CENPP: variants seen among roughly 807,000 people sequenced by gnomAD.
The protein encoded by CENPP is centromere protein P.
A neutral mutation model predicts 35.6 loss-of-function variants in CENPP; 24 were observed. That is an observed-to-expected ratio of 0.67 (90% confidence interval 0.49 to 0.95). The LOEUF (loss-of-function observed/expected upper bound fraction) is 0.95. Among genes scored for constraint, CENPP ranks in the 40% least tolerant of loss-of-function variants. The pLI is 0.00. For missense variants in CENPP, 332 were observed against 345.3 expected (o/e 0.96, Z 0.31); for synonymous variants, 120 against 125.5 (o/e 0.96, Z 0.29).
chr9:92,586,952 A>G (rs1383902148), intron 5 of CENPP, among the ~76,000 whole-genome samples: 3 of 151,292 alleles, frequency 2.0e-5, no homozygotes, highest in African/African-American at 4.9e-5. Context: ...ACAACAAGAA[A>G]AAGACAGGGC....
intron 5 of CENPP, among the ~76,000 whole-genome samples, chr9:92,530,141 G>C (rs1848655929): frequency 6.6e-6 from 1 of 152,068 alleles, no homozygotes; most frequent in African/African-American, 2.4e-5. Context: ...CTCAGATTTT[G>C]GTGTCCTTGA....
chr9:92,408,922 C>G (rs1210782136), intron 5 of CENPP, among the ~76,000 whole-genome samples: 2 of 152,132 alleles, frequency 1.3e-5, no homozygotes, highest in African/African-American at 4.8e-5. Context: ...CGTCTTAAAT[C>G]TCATACTTAT....
chr9:92,466,555 T>C, intron 5 of CENPP: 1 of 1,614,034 alleles, frequency 6.2e-7, no homozygotes. Flanking sequence ...TAGCTTGTTG[T>C]TGTTCAGGAT....
In CENPP at chr9:92,496,523, T is replaced by C. The variant is rs776505176; in HGVS notation, c.565-114791T>C. The C allele has an allele frequency of 3.2e-6, 5 of 1,583,136 alleles. No homozygotes were observed. In the Admixed American group the frequency reaches 5.9e-5, roughly 19 times the overall value. On this transcript the variant is annotated intron_variant, in intron 5 of 7. Coordinates refer to ENST00000375587, the MANE Select transcript of CENPP (RefSeq NM_001012267.3). ...ACATGCAAGTCACACATGGTCCCAG[T>C]AATAATCTGCCTTTAGGAGTTAAGT... is the stretch of plus-strand genomic sequence containing the variant.
At chr9:92,452,969 G>A (rs1043920828) in intron 5 of CENPP, among the ~76,000 whole-genome samples, 19 of 151,918 alleles carry the variant, frequency 1.3e-4, no homozygotes, top group African/African-American at 2.4e-4. Context: ...TTTTTATTGC[G>A]TCTATTTGAA....
At chr9:92,345,395 G>A (rs1564270040) in intron 3 of CENPP, among the ~76,000 whole-genome samples, 1 of 151,608 alleles carries the variant, frequency 6.6e-6, no homozygotes, top group African/African-American at 2.4e-5. Flanking sequence ...GGGAGAATGA[G>A]GCAGAAGAAT....
At chr9:92,327,433 A>G (rs1452049527) in intron 1 of CENPP, among the ~76,000 whole-genome samples, 1 of 152,212 alleles carries the variant, frequency 6.6e-6, no homozygotes, top group East Asian at 1.9e-4. Flanking sequence ...TGAGTGGGCT[A>G]GGTATACATA....
At chr9:92,584,855 G>A (rs1417251107) in intron 5 of CENPP, among the ~76,000 whole-genome samples, 1 of 151,758 alleles carries the variant, frequency 6.6e-6, no homozygotes, top group East Asian at 1.9e-4. Flanking sequence ...ATTTTGTTTA[G>A]CTTTTTCATT....
At chr9:92,545,271 G>A (rs1461370689) in intron 5 of CENPP, among the ~76,000 whole-genome samples, 1 of 152,160 alleles carries the variant, frequency 6.6e-6, no homozygotes, top group African/African-American at 2.4e-5. Flanking sequence ...GAGGTGTGGA[G>A]AGAGAGGTAC....
chr9:92,332,137 T>C (rs1564261744), intron 1 of CENPP, 33 bp from the exon 2 acceptor site: 2 of 1,461,036 alleles, frequency 1.4e-6, no homozygotes, highest in Non-Finnish European at 1.9e-6. Context: ...GTGTTAGTAA[T>C]TGGAGTGATT....
intron 5 of CENPP, among the ~76,000 whole-genome samples, chr9:92,448,773 A>C (rs565795066): frequency 6.6e-6 from 1 of 152,298 alleles, no homozygotes; most frequent in African/African-American, 2.4e-5. Context: ...AATGGCTGAC[A>C]ATCTATGTCT....
At chr9:92,527,003 ATTATTTAT>A (rs554133945) in intron 5 of CENPP, among the ~76,000 whole-genome samples, 2 of 149,338 alleles carry the variant, frequency 1.3e-5, no homozygotes, top group Non-Finnish European at 3.0e-5. Flanking sequence ...AGATATGTTT[ATTATTTAT>A]TTATTTATTT....
intron 5 of CENPP, among the ~76,000 whole-genome samples, chr9:92,383,334 G>A (rs556016259): frequency 1.4e-4 from 22 of 152,230 alleles, no homozygotes; most frequent in African/African-American, 1.9e-4. Context: ...TTGTGTGAAA[G>A]CATCATTGAG....
At chr9:92,422,821 C>A (rs1432537426) in intron 5 of CENPP, among the ~76,000 whole-genome samples, 1 of 152,196 alleles carries the variant, frequency 6.6e-6, no homozygotes, top group Non-Finnish European at 1.5e-5. Flanking sequence ...TTTCATTCCC[C>A]AACTAATCTC....
At chr9:92,522,725 T>C (rs1279109674) in intron 5 of CENPP, 1 of 1,614,200 alleles carries the variant, frequency 6.2e-7, no homozygotes, top group South Asian at 1.1e-5. Flanking sequence ...CTGTTTGATC[T>C]GTGCTTGTGT....
At chr9:92,389,318 G>T (rs1246412712) in intron 5 of CENPP, among the ~76,000 whole-genome samples, 1 of 152,052 alleles carries the variant, frequency 6.6e-6, no homozygotes, top group African/African-American at 2.4e-5. Flanking sequence ...TGCTTGAATT[G>T]TTAAGAAATG....
chr9:92,332,350 G>A lies in CENPP; in HGVS notation c.288G>A (p.Lys96=), dbSNP rs1314208041. ...EDLTSTEMTE[K]SIRKVLQRHR... is the part of the protein sequence containing the mutation. ...TAACAAGCACTGAGATGACAGAAAA[G>A]AGTAAGCATTTTTTTTAAATCTAGA... Residue 96 remains lysine (K), a splice_region_variant and synonymous_variant, in exon 2 of 8, where the codon AAG becomes AAA. Coordinates refer to ENST00000375587, the MANE Select transcript of CENPP (RefSeq NM_001012267.3). 3.9e-6 allele frequency: 6 copies of A among 1,557,774 alleles called. No individual in the cohort carries two copies. In the African/African-American group the frequency reaches 5.6e-5, roughly 14 times the overall value.
At chr9:92,391,087 C>CA (rs1415973013) in intron 5 of CENPP, among the ~76,000 whole-genome samples, 1 of 151,106 alleles carries the variant, frequency 6.6e-6, no homozygotes, top group East Asian at 2.0e-4. Context: ...CAACACAGCG[C>CA]AACCTCATCT....
chr9:92,525,773 C>T (rs767483008), intron 5 of CENPP, among the ~76,000 whole-genome samples: 1 of 151,664 alleles, frequency 6.6e-6, no homozygotes, highest in Non-Finnish European at 1.5e-5. Context: ...GCCTGTAATC[C>T]CAGCAACTCG....
Sources: allele counts gnomAD v4.1 joint callset (sites outside exome capture counted in the v4.1 genomes callset), GRCh38; gene constraint gnomAD v4.1.1; transcripts MANE v1.5; gene names NCBI Gene and HGNC (gene_info 2026-07-23, HGNC 2026-07-21).